The following EEFSEC variants were observed in gnomAD, a reference collection of about 807,000 sequenced individuals.
EEFSEC encodes the protein eukaryotic elongation factor, selenocysteine-tRNA specific.
A neutral mutation model predicts 42.1 loss-of-function variants in EEFSEC; 43 were observed. The ratio of observed to expected loss-of-function variants is 1.02; its 90% confidence interval spans 0.80 to 1.32. EEFSEC has a LOEUF of 1.32. Among genes scored for constraint, EEFSEC ranks in the 40% most tolerant of loss-of-function variants. The probability of loss-of-function intolerance (pLI) is 0.00; values close to 1 mark genes in which losing one functional copy is unlikely to be tolerated. For missense variants in EEFSEC, 745 were observed against 803.6 expected (o/e 0.93, Z 0.88); for synonymous variants, 354 against 339.1 (o/e 1.04, Z -0.48).
chr3:128,415,235 G>C, the EEFSEC span, among the ~76,000 whole-genome samples: 25 of 152,202 alleles, frequency 1.6e-4, no homozygotes, highest in Admixed American at 1.6e-3. Context: ...CATGGGGAGG[G>C]ATAGAGCTAG....
At chr3:128,258,708 C>G (rs2066267199) in intron 2 of EEFSEC, among the ~76,000 whole-genome samples, 1 of 152,120 alleles carries the variant, frequency 6.6e-6, no homozygotes, top group African/African-American at 2.4e-5. Context: ...GTATTGGGTA[C>G]TATAATTATA....
chr3:128,344,778 A>T (rs1012729792), intron 5 of EEFSEC, among the ~76,000 whole-genome samples: 3 of 152,216 alleles, frequency 2.0e-5, no homozygotes, highest in African/African-American at 7.2e-5. Flanking sequence ...TTGGGCAGCC[A>T]TTTAATCTCA....
In EEFSEC at chr3:128,341,429, C is replaced by G; in HGVS notation, c.983C>G (p.Pro328Arg). 4.3e-6 allele frequency: 7 copies of G among 1,614,160 alleles called. No homozygotes were observed. Among genetic ancestry groups the G allele is most frequent in the Non-Finnish European group, 4.2e-6 (5 of 1,180,036 alleles). Residue 328 changes from proline to arginine, a missense_variant, in exon 5 of 7, where the codon CCC becomes CGC. Coordinates refer to ENST00000254730, the MANE Select transcript of EEFSEC (RefSeq NM_021937.5). ...SVEKIPYFRG[P>R]LQTKAKFHIT... is the part of the protein sequence containing the mutation. ...GAAAAGATACCGTATTTCCGGGGGC[C>G]CCTGCAAACCAAGGCCAAGTTCCAC...
At chr3:128,210,055 G>A (rs2065740195) in intron 1 of EEFSEC, among the ~76,000 whole-genome samples, 1 of 152,230 alleles carries the variant, frequency 6.6e-6, no homozygotes, top group South Asian at 2.1e-4. Context: ...GGATGGTGGT[G>A]GTTCCGAATG....
At chr3:128,276,139 C>T (rs925794916) in intron 4 of EEFSEC, among the ~76,000 whole-genome samples, 1 of 152,228 alleles carries the variant, frequency 6.6e-6, no homozygotes, top group Non-Finnish European at 1.5e-5. Context: ...CAGCCTCCTG[C>T]ACAGGGTGGG....
At chr3:128,325,705 GA>G (rs926531008) in intron 4 of EEFSEC, among the ~76,000 whole-genome samples, 3 of 151,648 alleles carry the variant, frequency 2.0e-5, no homozygotes, top group African/African-American at 4.8e-5. Flanking sequence ...AAGAAACTGG[GA>G]AAAAAAACCT....
At chr3:128,308,753 C>T (rs2066858918) in intron 4 of EEFSEC, among the ~76,000 whole-genome samples, 1 of 152,194 alleles carries the variant, frequency 6.6e-6, no homozygotes, top group African/African-American at 2.4e-5. Context: ...CCCCAGGACT[C>T]CCTGGGAACA....
intron 6 of EEFSEC, chr3:128,362,376 T>G: frequency 2.3e-6 from 1 of 438,780 alleles, no homozygotes. Flanking sequence ...CAGCTCTGAG[T>G]CACTGGGCAT....
At chr3:128,322,236 C>T (rs1451123150) in intron 4 of EEFSEC, among the ~76,000 whole-genome samples, 1 of 152,258 alleles carries the variant, frequency 6.6e-6, no homozygotes. Flanking sequence ...CCAGCTCTGC[C>T]ACCTGCTGGC....
intron 1 of EEFSEC, among the ~76,000 whole-genome samples, chr3:128,235,584 C>G (rs1420582339): frequency 6.6e-6 from 1 of 152,186 alleles, no homozygotes; most frequent in African/African-American, 2.4e-5. Flanking sequence ...TTCTTTCTCC[C>G]ACGGATCCTC....
chr3:128,216,111 C>T lies in EEFSEC; in HGVS notation c.317-30725C>T, dbSNP rs532036911. Among the ~76,000 whole-genome samples the T allele has an allele frequency of 6.6e-5, 10 of 152,328 alleles. No homozygotes were observed. The South Asian group carries it at 1.7e-3, about 25-fold the overall frequency. On this transcript the variant is annotated intron_variant, in intron 1 of 6. Transcript: ENST00000254730. ...CAGAGGAGGAGAATTTCTCATACAT[C>T]ACACAGCCCAGCAGATCCACCAGTC...
At chr3:128,397,623 C>T (rs1308474106) in intron 6 of EEFSEC, among the ~76,000 whole-genome samples, 1 of 152,262 alleles carries the variant, frequency 6.6e-6, no homozygotes, top group South Asian at 2.1e-4. Flanking sequence ...TGTCAAACCT[C>T]AGCCCCGCCC....
rs549914151 is a variant in EEFSEC at position 128,199,657 on chromosome 3, T to C, written c.316+45834T>C. ...GTTTCTGTCTTAGAATTGGAAATTGTTGGGGCAGTTGCATTTTAAAAAGTA... is the reference window on the plus strand; with the variant it reads ...GTTTCTGTCTTAGAATTGGAAATTGCTGGGGCAGTTGCATTTTAAAAAGTA... On this transcript the variant is annotated intron_variant, in intron 1 of 6. Transcript: ENST00000254730. 9.8e-5 allele frequency among the ~76,000 whole-genome samples: 15 copies of C among 152,372 alleles called. No individual in the cohort carries two copies. In the South Asian group the frequency reaches 2.9e-3, roughly 29 times the overall value.
chr3:128,243,822 C>T (rs542773905), intron 1 of EEFSEC, among the ~76,000 whole-genome samples: 7 of 152,196 alleles, frequency 4.6e-5, no homozygotes, highest in East Asian at 1.9e-4. Flanking sequence ...CTGGGCAGGG[C>T]GGGCTGTGTG....
intron 5 of EEFSEC, among the ~76,000 whole-genome samples, chr3:128,345,920 G>C (rs2067307212): frequency 6.6e-6 from 1 of 152,228 alleles, no homozygotes; most frequent in Non-Finnish European, 1.5e-5. Flanking sequence ...GATAGACAAA[G>C]TTCTTGTCTT....
intron 4 of EEFSEC, among the ~76,000 whole-genome samples, chr3:128,280,683 G>A (rs999676027): frequency 6.6e-6 from 1 of 152,204 alleles, no homozygotes; most frequent in Non-Finnish European, 1.5e-5. Flanking sequence ...GCCTCTGTAC[G>A]GTCTTCCCTC....
intron 1 of EEFSEC, among the ~76,000 whole-genome samples, chr3:128,231,852 C>T (rs954569228): frequency 2.6e-5 from 4 of 152,166 alleles, no homozygotes; most frequent in Admixed American, 6.5e-5. Flanking sequence ...TCTCCCCCGA[C>T]TCCCCCAGCT....
At position 128,350,667 on chromosome 3, in the gene EEFSEC, A is replaced by G. The variant is rs980850093; in HGVS notation, c.1444-7550A>G. ...TCCTTTGAAAATTGCTTTTTTGCCC[A>G]TATAGAGACACAGGGTCAGGACAGC... On this transcript the variant is annotated intron_variant, in intron 5 of 6. Transcript: ENST00000254730. Among the ~76,000 whole-genome samples the G allele has an allele frequency of 2.6e-5, 4 of 152,292 alleles. No individual in the cohort carries two copies. In the East Asian group the frequency reaches 7.7e-4, roughly 29 times the overall value.
chr3:128,296,400 G>A (rs1357649572), intron 4 of EEFSEC, among the ~76,000 whole-genome samples: 4 of 152,018 alleles, frequency 2.6e-5, no homozygotes, highest in African/African-American at 9.7e-5. Flanking sequence ...AGCCTTTCTT[G>A]TCTCCTCTTT....
Sources: gnomAD v4.1 joint callset for allele counts (sites outside exome capture counted in the v4.1 genomes callset) on GRCh38, gnomAD v4.1.1 for gene constraint, MANE v1.5 for transcripts, NCBI Gene and HGNC (gene_info 2026-07-23, HGNC 2026-07-21) for gene names.